ADAM28: variants seen among roughly 807,000 people sequenced by gnomAD.
ADAM28 encodes the protein disintegrin and metalloproteinase domain-containing protein 28.
In ADAM28, 105 loss-of-function variants were observed where a neutral mutation model predicts 101.2. The ratio of observed to expected loss-of-function variants is 1.04; its 90% confidence interval spans 0.89 to 1.22. The LOEUF (loss-of-function observed/expected upper bound fraction) is 1.22, where lower values mean the gene tolerates loss of function less well. Ranked by LOEUF, ADAM28 falls within the 50% of genes most tolerant of loss-of-function variation. The pLI is 0.00. For missense variants in ADAM28, 1,028 were observed against 945.4 expected (o/e 1.09, Z -1.15); for synonymous variants, 322 against 310.6 (o/e 1.04, Z -0.39).
chr8:24,342,128 G>A (rs570899299), intron 16 of ADAM28, among the ~76,000 whole-genome samples: 2 of 152,126 alleles, frequency 1.3e-5, no homozygotes, highest in Admixed American at 6.5e-5. Flanking sequence ...TGTGATACTG[G>A]GCTTCATTTA....
intron 16 of ADAM28, 140 bp from the exon 17 acceptor site, chr8:24,342,961 C>T (rs62498247): frequency 0.12 from 171,211 of 1,424,580 alleles, 11,506 homozygotes; most frequent in East Asian, 0.24. Flanking sequence ...CAACAGAGCC[C>T]GTCTCTGTTT....
intron 18 of ADAM28, among the ~76,000 whole-genome samples, chr8:24,345,523 AT>A (rs1438274141): frequency 1.3e-5 from 2 of 151,788 alleles, no homozygotes; most frequent in African/African-American, 2.4e-5. Flanking sequence ...TCTTTGAAAT[AT>A]TTTTTTATCC....
rs2292396 is a variant in ADAM28 at position 24,309,571 on chromosome 8, C to T, written c.151-323C>T. Among the ~76,000 whole-genome samples, 4 of 152,266 alleles carry T rather than the reference C, an allele frequency of 2.6e-5. No homozygotes were observed. In the South Asian group the frequency reaches 6.2e-4, roughly 24 times the overall value. ...CAAGATCATAAGCTCTCTGACAGTA[C>T]GTACCAATTTTTCTTGCTTAGAGTA... On this transcript the variant is annotated intron_variant, in intron 2 of 22. Transcript: ENST00000265769.
Position 24,302,567 on chromosome 8 carries a change from C to T in ADAM28, c.150+2490C>T, listed in dbSNP as rs749183475. 5.5e-4 allele frequency among the ~76,000 whole-genome samples: 83 copies of T among 152,154 alleles called. 3 individuals are homozygous for T. The highest frequency in any genetic ancestry group is 2.0e-3 in the Admixed American group (30 of 15,266). On this transcript the variant is annotated intron_variant, in intron 2 of 22. Coordinates refer to ENST00000265769, the MANE Select transcript of ADAM28 (RefSeq NM_014265.6). ...ATTACGTTCCCACCAACAGTGTAAACGCATTCCTATTTCTCCACAGCCTTG... is the reference window on the plus strand; with the variant it reads ...ATTACGTTCCCACCAACAGTGTAAATGCATTCCTATTTCTCCACAGCCTTG...
At chr8:24,310,551 ATCATT>A (rs1385305809) in intron 4 of ADAM28, among the ~76,000 whole-genome samples, 2 of 151,474 alleles carry the variant, frequency 1.3e-5, no homozygotes, top group Non-Finnish European at 2.9e-5. Context: ...ATCAATTTCT[ATCATT>A]TCTCTGGATT....
chr8:24,354,462 T>C lies in ADAM28; in HGVS notation c.*58T>C, dbSNP rs1216079521. Reference sequence around the variant, plus strand: ...TATCAACTTGGAAAACTGGAAAATCTGGATGGCAGAGAAATATACTATCTA... The same window carrying C: ...TATCAACTTGGAAAACTGGAAAATCCGGATGGCAGAGAAATATACTATCTA... On this transcript the variant is annotated 3_prime_UTR_variant, in exon 23 of 23. Coordinates refer to ENST00000265769, the MANE Select transcript of ADAM28 (RefSeq NM_014265.6). The C allele has an allele frequency of 2.9e-5, 43 of 1,506,372 alleles. No individual in the cohort carries two copies. Among genetic ancestry groups the C allele is most frequent in the African/African-American group, 3.7e-5 (2 of 53,770 alleles). The allele number at this position is 1,506,372 out of a possible 1,614,324, so 93.3% of individuals were successfully genotyped here.
intron 13 of ADAM28, among the ~76,000 whole-genome samples, chr8:24,334,032 A>G (rs1041145166): frequency 1.3e-5 from 2 of 152,146 alleles, no homozygotes; most frequent in Admixed American, 6.6e-5. Flanking sequence ...TCAGAGAGAG[A>G]GGAAAGAAAG....
chr8:24,343,303 C>T (rs564500354), intron 17 of ADAM28, 122 bp downstream of exon 17: 4 of 1,251,540 alleles, frequency 3.2e-6, no homozygotes, highest in Admixed American at 4.3e-5. Context: ...TTTATCCAAG[C>T]CTTCAGTAGC....
intron 14 of ADAM28, among the ~76,000 whole-genome samples, chr8:24,336,463 C>A (rs1445821297): frequency 1.3e-5 from 2 of 151,050 alleles, no homozygotes; most frequent in Non-Finnish European, 3.0e-5. Context: ...GGCGCCTGTC[C>A]CAGCTACTCG....
chr8:24,319,918 G>A (rs1332414661), intron 6 of ADAM28, among the ~76,000 whole-genome samples: 1 of 151,928 alleles, frequency 6.6e-6, no homozygotes, highest in Non-Finnish European at 1.5e-5. Flanking sequence ...TCTATTTTGT[G>A]TCAGGATGGT....
rs1206988629 is a variant in ADAM28, at chr8:24,354,932, T to A, written c.*528T>A. ...ATTTGAGGTTTTCTACAATTTGGTA[T>A]AACTAAGAATTTAAAAATGTTTTAT... On this transcript the variant is annotated 3_prime_UTR_variant, in exon 23 of 23. Transcript: ENST00000265769. The A allele has an allele frequency of 6.6e-6, 1 of 152,598 alleles. No individual in the cohort carries two copies. The highest frequency in any genetic ancestry group is 2.4e-5 in the African/African-American group (1 of 41,454). 9.5% of individuals were successfully genotyped at this position (152,598 alleles called of 1,614,324 possible). A position where few individuals can be genotyped will look rare whatever the true frequency, so the allele number is the denominator to read the frequency against.
chr8:24,301,048 C>G (rs1379880989), intron 2 of ADAM28: 1 of 152,146 alleles, frequency 6.6e-6, no homozygotes, highest in Non-Finnish European at 1.5e-5. Flanking sequence ...ATTACCTGCA[C>G]TCTTAAGTCT....
intron 10 of ADAM28, among the ~76,000 whole-genome samples, chr8:24,328,085 C>T (rs980514486): frequency 6.6e-6 from 1 of 151,850 alleles, no homozygotes; most frequent in Non-Finnish European, 1.5e-5. Context: ...TTATATTTAC[C>T]ATCACTTCAT....
In ADAM28 at chr8:24,358,937, A is replaced by T. The variant is rs1816845536; in HGVS notation, c.*4533A>T. The T allele has an allele frequency of 6.6e-6, 1 of 152,206 alleles. No homozygotes were observed. The highest frequency in any genetic ancestry group is 1.5e-5 in the Non-Finnish European group (1 of 68,036). The allele number at this position is 152,206 out of a possible 1,614,324, so 9.4% of individuals were successfully genotyped here. Reference sequence around the variant, plus strand: ...TTGCTCCCACCTCACACAAAGTTAAAACTATTTGTTACTTTAAATAGTTTG... The same window carrying T: ...TTGCTCCCACCTCACACAAAGTTAATACTATTTGTTACTTTAAATAGTTTG... On this transcript the variant is annotated 3_prime_UTR_variant, in exon 23 of 23. Coordinates refer to ENST00000265769, the MANE Select transcript of ADAM28 (RefSeq NM_014265.6).
intron 14 of ADAM28, among the ~76,000 whole-genome samples, chr8:24,338,276 G>A (rs1218654887): frequency 6.6e-6 from 1 of 152,108 alleles, no homozygotes; most frequent in Non-Finnish European, 1.5e-5. Context: ...CAGCTGTGAT[G>A]CTTTAGAAAA....
At chr8:24,320,520 A>T (rs953607141) in intron 7 of ADAM28, among the ~76,000 whole-genome samples, 5 of 151,996 alleles carry the variant, frequency 3.3e-5, no homozygotes, top group Non-Finnish European at 5.9e-5. Flanking sequence ...TGATATGCAT[A>T]AATTGTTGGC....
chr8:24,350,012 C>T, intron 19 of ADAM28, 40 bp downstream of exon 19: 1 of 1,560,108 alleles, frequency 6.4e-7, no homozygotes, highest in Non-Finnish European at 8.8e-7. Context: ...ACTCTTTGAC[C>T]CCTATTTTAC....
At chr8:24,323,211 T>C (rs1463126757) in intron 8 of ADAM28, among the ~76,000 whole-genome samples, 1 of 151,874 alleles carries the variant, frequency 6.6e-6, no homozygotes, top group Non-Finnish European at 1.5e-5. Flanking sequence ...GGGATCTCTT[T>C]AAGGGCACTA....
intron 9 of ADAM28, among the ~76,000 whole-genome samples, chr8:24,326,275 C>A (rs1226727106): frequency 6.6e-6 from 1 of 151,926 alleles, no homozygotes; most frequent in Non-Finnish European, 1.5e-5. Flanking sequence ...AATAGCCTTT[C>A]TTTTTCTTCA....
Sources: gnomAD v4.1 joint callset for allele counts (sites outside exome capture counted in the v4.1 genomes callset) on GRCh38, gnomAD v4.1.1 for gene constraint, MANE v1.5 for transcripts, NCBI Gene and HGNC (gene_info 2026-07-23, HGNC 2026-07-21) for gene names.